Variants in PTPRN2 observed in about 807,000 individuals in gnomAD.
PTPRN2 encodes the protein receptor-type tyrosine-protein phosphatase N2.
Under a neutral mutation model 118.8 loss-of-function variants are expected in PTPRN2, and 74 were observed. The observed-to-expected ratio is 0.62, with a 90% confidence interval of 0.52 to 0.76. The LOEUF (loss-of-function observed/expected upper bound fraction) is 0.76. Among genes scored for constraint, PTPRN2 ranks in the 30% least tolerant of loss-of-function variants. PTPRN2 has a pLI of 0.00. For missense variants in PTPRN2, 1,481 were observed against 1,394.4 expected, an observed-to-expected ratio of 1.06 and a Z score of -0.99; for synonymous variants, 641 against 608.0, an observed-to-expected ratio of 1.05 and a Z score of -0.80.
intron 2 of PTPRN2, among the ~76,000 whole-genome samples, chr7:158,342,645 C>G (rs977108587): frequency 6.6e-6 from 1 of 152,222 alleles, no homozygotes; most frequent in Non-Finnish European, 1.5e-5. Context: ...ACAGTCAACT[C>G]AGTCAGTCCT....
chr7:157,927,577 G>A (rs1799098081), intron 11 of PTPRN2, among the ~76,000 whole-genome samples: 1 of 149,616 alleles, frequency 6.7e-6, no homozygotes, highest in Non-Finnish European at 1.5e-5. Context: ...GGAAGCCCCA[G>A]GGACCCGTCT....
At chr7:158,372,220 C>T (rs1189956025) in intron 2 of PTPRN2, among the ~76,000 whole-genome samples, 7 of 151,878 alleles carry the variant, frequency 4.6e-5, no homozygotes, top group African/African-American at 1.7e-4. Flanking sequence ...AGCTGGACAC[C>T]CCCAGGCTGG....
intron 11 of PTPRN2, among the ~76,000 whole-genome samples, chr7:158,013,840 C>T (rs1159416366): frequency 3.2e-5 from 4 of 124,496 alleles, no homozygotes; most frequent in Admixed American, 8.3e-5. Flanking sequence ...ATCCATCCAT[C>T]CACCCACCCA....
At chr7:158,380,942 C>G (rs1249859280) in intron 2 of PTPRN2, among the ~76,000 whole-genome samples, 3 of 152,278 alleles carry the variant, frequency 2.0e-5, no homozygotes, top group African/African-American at 7.2e-5. Context: ...GAAGCCACAG[C>G]CTGAGCTCCA....
At chr7:158,213,153 T>C (rs151105058) in intron 3 of PTPRN2, among the ~76,000 whole-genome samples, 222 of 152,196 alleles carry the variant, frequency 1.5e-3, no homozygotes, top group African/African-American at 5.1e-3. Context: ...TATATTTTTA[T>C]GCCCTGTACA....
chr7:158,422,984 A>C (rs1815387649), intron 2 of PTPRN2, among the ~76,000 whole-genome samples: 1 of 152,244 alleles, frequency 6.6e-6, no homozygotes, highest in African/African-American at 2.4e-5. Context: ...GACGATAGCC[A>C]ATCAGGGCCC....
Position 157,801,417 on chromosome 7 carries a change from G to A in PTPRN2, c.1788+97256C>T, listed in dbSNP as rs1278289336. Among the ~76,000 whole-genome samples, 2 of 152,134 alleles carry A rather than the reference G, an allele frequency of 1.3e-5. No homozygotes were observed. The highest frequency in any genetic ancestry group is 4.8e-5 in the African/African-American group (2 of 41,422). On this transcript the variant is annotated intron_variant, in intron 12 of 22. Coordinates refer to ENST00000389418, the MANE Select transcript of PTPRN2 (RefSeq NM_002847.5). This position sits in a 1 kb window ranked among gnomAD's most constrained non-coding sequence, Gnocchi z 4.2. ...CGGAGAGGCTCTGCATCACGAGAGT[G>A]CTGCGTTAACCCAGGTGCGGGGGAT...
intron 11 of PTPRN2, among the ~76,000 whole-genome samples, chr7:158,070,999 T>C (rs1356336448): frequency 2.6e-3 from 252 of 97,636 alleles, no homozygotes; most frequent in Non-Finnish European, 3.8e-3. Context: ...GTGGAGGTGC[T>C]CATGGTGGTG....
intron 2 of PTPRN2, among the ~76,000 whole-genome samples, chr7:158,391,187 A>G (rs1415885133): frequency 7.9e-5 from 12 of 152,358 alleles, no homozygotes; most frequent in African/African-American, 2.9e-4. Flanking sequence ...TCCCTTAAAG[A>G]TAAAAAGAAC....
chr7:158,066,924 T>G (rs1810818189), intron 11 of PTPRN2, among the ~76,000 whole-genome samples: 1 of 152,202 alleles, frequency 6.6e-6, no homozygotes, highest in South Asian at 2.1e-4. Flanking sequence ...GACGAAATCT[T>G]AAGCAGATTT....
At chr7:157,553,376 C>T (rs1286907209) in intron 21 of PTPRN2, among the ~76,000 whole-genome samples, 3 of 152,178 alleles carry the variant, frequency 2.0e-5, no homozygotes, top group Non-Finnish European at 4.4e-5. Flanking sequence ...GCCATGAAGC[C>T]GTCAGGAGCT....
intron 11 of PTPRN2, among the ~76,000 whole-genome samples, chr7:158,011,303 C>G (rs73745064): frequency 8.9e-4 from 135 of 152,310 alleles, no homozygotes; most frequent in African/African-American, 3.2e-3. Context: ...CTATGTCTCC[C>G]GGTGATTGTT....
At chr7:158,176,513 G>A (rs1254290389) in intron 5 of PTPRN2, among the ~76,000 whole-genome samples, 3 of 152,200 alleles carry the variant, frequency 2.0e-5, no homozygotes, top group African/African-American at 7.2e-5. Flanking sequence ...CGAGTGAACA[G>A]AGGAACCGTA....
At chr7:158,554,857 C>T (rs1452147445) in intron 1 of PTPRN2, among the ~76,000 whole-genome samples, 1 of 152,170 alleles carries the variant, frequency 6.6e-6, no homozygotes, top group Non-Finnish European at 1.5e-5. Context: ...CCCCAAACAG[C>T]AGCCCCCTCT....
At chr7:158,081,099 A>T (rs1812785128) in intron 11 of PTPRN2, among the ~76,000 whole-genome samples, 199 bp downstream of exon 11, 1 of 152,184 alleles carries the variant, frequency 6.6e-6, no homozygotes, top group Admixed American at 6.5e-5. Flanking sequence ...GTGCCCACGG[A>T]CAGCCACATT....
intron 15 of PTPRN2, among the ~76,000 whole-genome samples, chr7:157,614,895 G>A (rs1406891796): frequency 6.6e-6 from 1 of 152,220 alleles, no homozygotes; most frequent in East Asian, 1.9e-4. Context: ...GCAATTCTGT[G>A]GTTTCACCTG....
chr7:157,852,733 G>T (rs183947006), intron 12 of PTPRN2, among the ~76,000 whole-genome samples: 2 of 152,032 alleles, frequency 1.3e-5, no homozygotes, highest in African/African-American at 4.8e-5. Flanking sequence ...GCTGGGTGTG[G>T]TGGTGGGCGC....
At chr7:157,543,991 G>A (rs1318571775) in intron 22 of PTPRN2, among the ~76,000 whole-genome samples, 2 of 152,078 alleles carry the variant, frequency 1.3e-5, no homozygotes, top group Admixed American at 6.5e-5. Flanking sequence ...AGAGAGAGGT[G>A]GAGAGAGATG....
intron 3 of PTPRN2, among the ~76,000 whole-genome samples, chr7:158,307,833 A>G (rs1801409562): frequency 6.6e-6 from 1 of 152,136 alleles, no homozygotes; most frequent in South Asian, 2.1e-4. Context: ...GGATTAATCC[A>G]CTCATGAATT....
Sources: allele counts gnomAD v4.1 joint callset (sites outside exome capture counted in the v4.1 genomes callset), GRCh38; gene constraint gnomAD v4.1.1; non-coding constraint Gnocchi (gnomAD v3.1); transcripts MANE v1.5; gene names NCBI Gene and HGNC (gene_info 2026-07-23, HGNC 2026-07-21).